The following GNPTAB variants were observed in gnomAD, a reference collection of about 807,000 sequenced individuals.
The protein encoded by GNPTAB is N-acetylglucosamine-1-phosphotransferase subunits alpha/beta.
GNPTAB carries 92 observed loss-of-function variants against 136.6 expected under a neutral mutation model. The ratio of observed to expected loss-of-function variants is 0.67; its 90% CI spans 0.57 to 0.80. The LOEUF is 0.80. Ranked by LOEUF, GNPTAB falls within the 30% of genes least tolerant of loss-of-function variation. The probability of loss-of-function intolerance (pLI) is 0.00; values close to 1 mark genes in which losing one functional copy is unlikely to be tolerated. For synonymous variants in GNPTAB, 512 were observed against 535.1 expected, an observed-to-expected ratio of 0.96 and a Z score of 0.60; for missense variants, 1,343 against 1,501.8, an observed-to-expected ratio of 0.89 and a Z score of 1.75.
chr12:101,764,739 T>C lies in GNPTAB; in HGVS notation c.2178A>G (p.Lys726=). ...AGGCTGACTTGGACAAATTGTATCC[T>C]TTCAAAGTGATGTCTCCATGTTCCA... The part of the protein sequence containing the change: ...LQLEHGDITL[K]GYNLSKSALL... Residue 726 remains lysine, a synonymous_variant, in exon 13 of 21, where the codon AAA becomes AAG. Transcript: ENST00000299314. 6.2e-7 allele frequency: 1 copy of C among 1,613,902 alleles called. No individual in the cohort carries two copies. The highest frequency in any genetic ancestry group is 8.5e-7 in the Non-Finnish European group (1 of 1,179,870).
intron 1 of GNPTAB, among the ~76,000 whole-genome samples, chr12:101,807,755 C>T (rs925415033): frequency 6.6e-6 from 1 of 152,160 alleles, no homozygotes; most frequent in Non-Finnish European, 1.5e-5. Context: ...CACGGTGAAA[C>T]TCCACCTCTA....
chr12:101,793,570 T>C (rs950083446), intron 2 of GNPTAB, among the ~76,000 whole-genome samples: 5 of 152,228 alleles, frequency 3.3e-5, no homozygotes, highest in East Asian at 1.9e-4. Context: ...CTATTAGACA[T>C]GGTCACACTC....
At chr12:101,749,240 T>C (rs1354251379) in intron 19 of GNPTAB, 49 bp from the exon 20 acceptor site, 2 of 1,014,604 alleles carry the variant, frequency 2.0e-6, no homozygotes, top group East Asian at 2.4e-5. Context: ...ATGGTTTCAC[T>C]ACCATTAGTT....
chr12:101,794,022 T>G (rs1869140323), intron 2 of GNPTAB, among the ~76,000 whole-genome samples: 1 of 152,170 alleles, frequency 6.6e-6, no homozygotes, highest in Admixed American at 6.5e-5. Flanking sequence ...TTTGTATTTT[T>G]GGTAGAGACG....
At chr12:101,754,525 G>A (rs547643222) in intron 18 of GNPTAB, among the ~76,000 whole-genome samples, 2 of 152,178 alleles carry the variant, frequency 1.3e-5, no homozygotes, top group African/African-American at 4.8e-5. Flanking sequence ...GAGAGAGACA[G>A]TGCCTTATAG....
rs144519086 is a variant in GNPTAB, at chr12:101,758,491, C to T, written c.3250-834G>A. ...TGCCCAGCCCTAGTCTCATTCTTGACCTGCTGATTCCTATCTGCTAATCCC... is the reference window on the plus strand; with the variant it reads ...TGCCCAGCCCTAGTCTCATTCTTGATCTGCTGATTCCTATCTGCTAATCCC... On this transcript the variant is annotated intron_variant, in intron 16 of 20. Coordinates refer to ENST00000299314, the MANE Select transcript of GNPTAB (RefSeq NM_024312.5). Among the ~76,000 whole-genome samples the T allele has an allele frequency of 6.6e-3, 1,008 of 152,354 alleles. 7 individuals are homozygous for T. The highest frequency in any genetic ancestry group is 0.011 in the Non-Finnish European group (739 of 68,032).
chr12:101,779,029 G>T (rs1054142562), intron 7 of GNPTAB: 10 of 149,900 alleles, frequency 6.7e-5, no homozygotes, highest in Admixed American at 6.6e-4. Context: ...TTGGTCTGGG[G>T]TAGGGAGAAA....
At chr12:101,771,271 G>A in intron 7 of GNPTAB, 114 bp from the exon 8 acceptor site, 1 of 895,738 alleles carries the variant, frequency 1.1e-6, no homozygotes, top group South Asian at 1.5e-5. Flanking sequence ...TTGAGACACA[G>A]TCTCGCTCTG....
In GNPTAB at chr12:101,771,072, T is replaced by G. The variant is rs1198686297; in HGVS notation, c.857A>C (p.Lys286Thr). Reference protein sequence around the residue: ...DFQELNKQTKKNMTIDGKELT... With the variant: ...DFQELNKQTKTNMTIDGKELT... The stretch of plus-strand genomic sequence containing the variant: ...TTCTTTTCCATCAATGGTCATGTTC[T>G]TCTTAGTTTGCTTATTCAATTCTTG... Residue 286 changes from lysine (K) to threonine (T), a missense_variant, in exon 8 of 21, where the codon AAG (lysine) becomes ACG (threonine). By Grantham distance (78) the Lys-to-Thr change is moderately conservative. Coordinates refer to ENST00000299314, the MANE Select transcript of GNPTAB (RefSeq NM_024312.5). The G allele has an allele frequency of 2.5e-6, 4 of 1,613,884 alleles. No individual in the cohort carries two copies. The East Asian group carries it at 8.9e-5, about 36-fold the overall frequency.
intron 1 of GNPTAB, among the ~76,000 whole-genome samples, chr12:101,805,424 G>A (rs1869880594): frequency 6.6e-6 from 1 of 152,202 alleles, no homozygotes; most frequent in African/African-American, 2.4e-5. Flanking sequence ...GTCTTGCTTT[G>A]TCACCCAGGC....
At chr12:101,779,892 T>A (rs1953314588) in intron 7 of GNPTAB, 1 of 495,528 alleles carries the variant, frequency 2.0e-6, no homozygotes, top group African/African-American at 1.9e-5. Context: ...TGGTTACTAC[T>A]TGGATGGGAG....
At chr12:101,753,649 G>C (rs1952856082) in intron 18 of GNPTAB, 110 bp from the exon 19 acceptor site, 1 of 904,296 alleles carries the variant, frequency 1.1e-6, no homozygotes, top group Admixed American at 2.0e-5. Context: ...TCCCAAGTTG[G>C]TATATTTGCT....
chr12:101,791,486 C>CAA (rs60094287), intron 2 of GNPTAB, among the ~76,000 whole-genome samples: 49 of 132,518 alleles, frequency 3.7e-4, no homozygotes, highest in Admixed American at 9.9e-4. Context: ...ATAAACCACG[C>CAA]AAAAAAAAAA....
chr12:101,774,048 G>T (rs1422542301), intron 7 of GNPTAB, among the ~76,000 whole-genome samples: 1 of 152,206 alleles, frequency 6.6e-6, no homozygotes, highest in African/African-American at 2.4e-5. Context: ...TGAGATTCCA[G>T]AATGTTTGTT....
chr12:101,783,875 A>G (rs1439484762), intron 5 of GNPTAB, among the ~76,000 whole-genome samples: 2 of 151,896 alleles, frequency 1.3e-5, no homozygotes, highest in Non-Finnish European at 2.9e-5. Flanking sequence ...CCATCATGCC[A>G]GACTAATTTT....
At chr12:101,788,094 G>A (rs1868770819) in intron 4 of GNPTAB, among the ~76,000 whole-genome samples, 1 of 152,312 alleles carries the variant, frequency 6.6e-6, no homozygotes, top group East Asian at 1.9e-4. Flanking sequence ...GTCGAGATAG[G>A]TGTATTTGGT....
chr12:101,791,485 G>A (rs1396735313), intron 2 of GNPTAB, among the ~76,000 whole-genome samples: 2 of 139,122 alleles, frequency 1.4e-5, no homozygotes, highest in African/African-American at 2.7e-5. Flanking sequence ...AATAAACCAC[G>A]CAAAAAAAAA....
intron 2 of GNPTAB, among the ~76,000 whole-genome samples, chr12:101,790,683 T>C (rs1446099989): frequency 3.3e-5 from 5 of 149,630 alleles, no homozygotes; most frequent in Non-Finnish European, 7.4e-5. Flanking sequence ...GGGACTACAG[T>C]GAGCTATGAT....
At chr12:101,787,589 A>G (rs1029802883) in intron 4 of GNPTAB, among the ~76,000 whole-genome samples, 3 of 152,176 alleles carry the variant, frequency 2.0e-5, no homozygotes, top group Non-Finnish European at 4.4e-5. Flanking sequence ...TTATAAATAA[A>G]GCTATATAAT....
Sources: allele counts gnomAD v4.1 joint callset (sites outside exome capture counted in the v4.1 genomes callset), GRCh38; gene constraint gnomAD v4.1.1; transcripts MANE v1.5; gene names NCBI Gene and HGNC (gene_info 2026-07-23, HGNC 2026-07-21).